The following CDKL5 variants were observed in gnomAD, a reference collection of about 807,000 sequenced individuals.
CDKL5 encodes cyclin-dependent kinase-like 5.
A neutral mutation model predicts 61.7 loss-of-function variants in CDKL5; 8 were observed. The observed-to-expected ratio is 0.13, with a 90% CI of 0.08 to 0.23. CDKL5 has a LOEUF of 0.23. Ranked by LOEUF, CDKL5 falls within the 10% of genes least tolerant of loss-of-function variation. The pLI is 1.00. For synonymous variants in CDKL5, 275 were observed against 272.3 expected (o/e 1.01, Z -0.10); for missense variants, 440 against 734.5 (o/e 0.60, Z 4.63).
chrX:18,647,145 T>A (rs1266904532), intron 20 of CDKL5: 1 of 1,132,359 alleles, frequency 8.8e-7, no homozygotes, highest in East Asian at 3.1e-5. Context: ...GAGAGGCCTA[T>A]TTTTTTTTAA....
intron 3 of CDKL5, among the ~76,000 whole-genome samples, chrX:18,532,127 A>G (rs1252331681): frequency 8.9e-6 from 1 of 112,386 alleles, no homozygotes; most frequent in African/African-American, 3.2e-5. Context: ...TTTATAAATA[A>G]TATTCAGCAA....
chrX:18,640,332 G>A (rs2147187147), downstream of CDKL5: 1 of 109,126 alleles, frequency 9.2e-6, no homozygotes, highest in East Asian at 2.9e-4. Flanking sequence ...AGTCCATGTC[G>A]TGACCAAAGT....
At chrX:18,538,095 G>A (rs1432538826) in intron 3 of CDKL5, among the ~76,000 whole-genome samples, 3 of 111,638 alleles carry the variant, frequency 2.7e-5, no homozygotes, top group East Asian at 2.8e-4. Flanking sequence ...CATGCTTACC[G>A]GCATTTTGTA....
At chrX:18,440,947 G>T (rs1314322179) in intron 1 of CDKL5, among the ~76,000 whole-genome samples, 1 of 111,400 alleles carries the variant, frequency 9.0e-6, no homozygotes, top group Non-Finnish European at 1.9e-5. Context: ...GACTAGTAAT[G>T]TCCGAAAGAA....
In CDKL5 at chrX:18,438,814, A is replaced by G. The variant is rs1602189878; in HGVS notation, c.-163+13119A>G. ...CAAAAAAAAAAAAAAAAAAAAGACA[A>G]GGATCTAAGGATGGGCATATAAAGC... On this transcript the variant is annotated intron_variant, in intron 1 of 17. Transcript: ENST00000623535. Among the ~76,000 whole-genome samples the G allele has an allele frequency of 2.8e-5, 3 of 108,647 alleles. No homozygotes were observed. In the East Asian group the frequency reaches 8.7e-4, roughly 32 times the overall value. 94.3% of individuals were successfully genotyped at this position (108,647 alleles called of 115,157 possible). A position where few individuals can be genotyped will look rare whatever the true frequency, so the allele number is the denominator to read the frequency against.
At chrX:18,612,061 CTA>C (rs975110972) in intron 14 of CDKL5, among the ~76,000 whole-genome samples, 1 of 111,932 alleles carries the variant, frequency 8.9e-6, no homozygotes, top group African/African-American at 3.2e-5. Flanking sequence ...AAGTTAATAA[CTA>C]TCCCCCCAAA....
chrX:18,434,680 C>A (rs1205597719), intron 1 of CDKL5, among the ~76,000 whole-genome samples: 3 of 112,102 alleles, frequency 2.7e-5, no homozygotes, highest in Non-Finnish European at 5.6e-5. Flanking sequence ...GTAATCCCAG[C>A]ACTTTGGGAG....
rs763950266 is a variant in CDKL5, at chrX:18,567,766, T to C, written c.145+3244T>C. ...CAGGCATGGTGGTGTGTGCCTGTAATCCTAGCTACTCAGTAGGCTGATGTA... is the reference window on the plus strand; with the variant it reads ...CAGGCATGGTGGTGTGTGCCTGTAACCCTAGCTACTCAGTAGGCTGATGTA... On this transcript the variant is annotated intron_variant, in intron 4 of 17. Transcript: ENST00000623535. 3.6e-5 allele frequency among the ~76,000 whole-genome samples: 4 copies of C among 111,423 alleles called. No homozygotes were observed. The South Asian group carries it at 1.5e-3, about 42-fold the overall frequency.
intron 1 of CDKL5, among the ~76,000 whole-genome samples, chrX:18,438,147 C>T (rs1250804844): frequency 1.8e-5 from 2 of 111,057 alleles, no homozygotes; most frequent in African/African-American, 6.5e-5. Flanking sequence ...CTCACTGCAA[C>T]CTCCGCCTCC....
At position 18,629,881 on chromosome X, in the gene CDKL5, A is replaced by G. The variant is rs891561704; in HGVS notation, c.*1124A>G. The stretch of plus-strand genomic sequence containing the variant: ...GTGCTCTTCCACTTAGCATTAGTGT[A>G]GAGCGTAGACCAAAGATTTGCCAGT... On this transcript the variant is annotated 3_prime_UTR_variant, in exon 18 of 18. Transcript: ENST00000623535. 6 of 754,448 alleles carry G rather than the reference A, an allele frequency of 8.0e-6. No homozygotes were observed. Among genetic ancestry groups the G allele is most frequent in the Non-Finnish European group, 9.4e-6 (6 of 639,357 alleles). 62.2% of individuals were successfully genotyped at this position (754,448 alleles called of 1,213,427 possible).
At chrX:18,513,723 T>A (rs1212710584) in intron 3 of CDKL5, among the ~76,000 whole-genome samples, 4 of 111,840 alleles carry the variant, frequency 3.6e-5, no homozygotes, top group Non-Finnish European at 7.5e-5. Flanking sequence ...GTCATTAGGC[T>A]TGTTATAGAT....
downstream of CDKL5, chrX:18,642,159 A>G: frequency 3.3e-6 from 4 of 1,210,624 alleles, no homozygotes; most frequent in Non-Finnish European, 4.5e-6. Flanking sequence ...TAGAAGACCT[A>G]GAGAGATAGA....
chrX:18,596,364 G>A (rs753968074), intron 10 of CDKL5, among the ~76,000 whole-genome samples: 1 of 111,262 alleles, frequency 9.0e-6, no homozygotes, highest in African/African-American at 3.3e-5. Context: ...GTTTCGGAAA[G>A]GCCACATACC....
rs371313385 is a variant in CDKL5 at position 18,603,951 on chromosome X, A to G, written c.1027A>G (p.Ser343Gly). Residue 343 changes from serine (S) to glycine (G), a missense_variant, in exon 12 of 18, where the codon AGC (serine) becomes GGC (glycine). Transcript: ENST00000623535. ...TTTGCAGTCTCACCACAGATCTAAC[A>G]GCAAGGACATCCAGAACCTGAGTGT... The part of the protein sequence containing the change: ...TALQSHHRSN[S>G]KDIQNLSVGL... 5 of 1,208,680 alleles carry G rather than the reference A, an allele frequency of 4.1e-6. No homozygotes were observed. Among genetic ancestry groups the G allele is most frequent in the African/African-American group, 1.8e-5 (1 of 57,073 alleles).
In CDKL5 at chrX:18,554,055, T is replaced by TAC. The variant is rs1157006759; in HGVS notation, c.100-10421_100-10420insCA. Among the ~76,000 whole-genome samples the TAC allele has an allele frequency of 3.7e-5, 4 of 107,272 alleles. No individual in the cohort carries two copies. The South Asian group carries it at 1.7e-3, about 44-fold the overall frequency. The allele number at this position is 107,272 out of a possible 115,157, so 93.2% of individuals were successfully genotyped here. A position where few individuals can be genotyped will look rare whatever the true frequency, so the allele number is the denominator to read the frequency against. ...AATAGGCAGTTTTGCCAGGTATTTA[T>TAC]ATATATATATTTTTTTTTTTCTATT... On this transcript the variant is annotated intron_variant, in intron 3 of 17. Transcript: ENST00000623535.
At chrX:18,503,843 G>C (rs1922473095) in intron 1 of CDKL5, among the ~76,000 whole-genome samples, 1 of 111,608 alleles carries the variant, frequency 9.0e-6, no homozygotes, top group South Asian at 3.7e-4. Flanking sequence ...CTGGGCTCAA[G>C]CAATCCTCCC....
intron 4 of CDKL5, among the ~76,000 whole-genome samples, chrX:18,571,658 C>T (rs953196450): frequency 9.0e-6 from 1 of 111,534 alleles, no homozygotes; most frequent in Non-Finnish European, 1.9e-5. Flanking sequence ...CTTCTCCCCT[C>T]ATCTGATAAT....
In CDKL5 at chrX:18,595,930, T is replaced by TA. The variant is rs780376916; in HGVS notation, c.825+503dup. On this transcript the variant is annotated intron_variant, in intron 10 of 17. Coordinates refer to ENST00000623535, the MANE Select transcript of CDKL5 (RefSeq NM_001323289.2). ...ATGCTGTGGCCTGAGTGTTCTTCCT[T>TA]ATGCTACCCTCCCTGTCCAGAAGTC... Among the ~76,000 whole-genome samples, 156 of 111,980 alleles carry TA rather than the reference T, an allele frequency of 1.4e-3. 1 individual carries two copies. In the Middle Eastern group the frequency reaches 0.014, roughly 10 times the overall value.
intron 8 of CDKL5, among the ~76,000 whole-genome samples, chrX:18,586,845 C>T (rs781688180): frequency 5.9e-4 from 66 of 111,234 alleles, no homozygotes; most frequent in Non-Finnish European, 1.1e-3. Context: ...CAAACAGATA[C>T]GAAAGAAAGA....
Sources: gnomAD v4.1 joint callset for allele counts (sites outside exome capture counted in the v4.1 genomes callset) on GRCh38, gnomAD v4.1.1 for gene constraint, MANE v1.5 for transcripts, NCBI Gene and HGNC (gene_info 2026-07-23, HGNC 2026-07-21) for gene names.